CEP41: variants seen among roughly 807,000 people sequenced by gnomAD.
CEP41 encodes centrosomal protein 41, also known as centrosomal protein of 41 kDa.
CEP41 carries 32 observed loss-of-function variants against 44.3 expected under a neutral mutation model. That is an observed-to-expected ratio of 0.72 (90% CI 0.54 to 0.97). CEP41 has a LOEUF of 0.97. CEP41 is among the 50% of genes least tolerant of loss of function. The pLI, the probability that CEP41 is intolerant of heterozygous loss-of-function variation, is 0.00. For synonymous variants in CEP41, 151 were observed against 168.5 expected (o/e 0.90, Z 0.80); for missense variants, 432 against 455.2 (o/e 0.95, Z 0.46).
intron 1 of CEP41, among the ~76,000 whole-genome samples, chr7:130,440,341 G>A (rs1391498425): frequency 6.6e-6 from 1 of 152,138 alleles, no homozygotes; most frequent in Non-Finnish European, 1.5e-5. Context: ...TTATTAAAGG[G>A]CAGAGGCCTT....
intron 5 of CEP41, among the ~76,000 whole-genome samples, chr7:130,410,709 TG>T (rs1177463527): frequency 6.6e-6 from 1 of 152,182 alleles, no homozygotes; most frequent in African/African-American, 2.4e-5. Context: ...AGTAATTTTG[TG>T]GTACTGTTAT....
chr7:130,437,775 AAAAAAAAAAAAAAGAAAAAG>A lies in CEP41; in HGVS notation c.33+3139_33+3158del, dbSNP rs1211077117. ...AAGCAAGACTGTCTCAAAAAAAAAA[AAAAAAAAAAAAAAGAAAAAG>A]AAAAAAAAAGATGTTGATGATTTTC... On this transcript the variant is annotated intron_variant, in intron 1 of 10. Coordinates refer to ENST00000223208, the MANE Select transcript of CEP41 (RefSeq NM_018718.3). Among the ~76,000 whole-genome samples, 684 of 142,640 alleles carry A rather than the reference AAAAAAAAAAAAAAGAAAAAG, an allele frequency of 4.8e-3. 8 individuals carry two copies. The highest frequency in any genetic ancestry group is 0.016 in the African/African-American group (610 of 37,562). 93.6% of individuals were successfully genotyped at this position (142,640 alleles called of 152,430 possible). A position where few individuals can be genotyped will look rare whatever the true frequency, so the allele number is the denominator to read the frequency against.
At position 130,398,868 on chromosome 7, in the gene CEP41, T is replaced by C. The variant is rs1554416049; in HGVS notation, c.*23A>G. ...GTTCTGAAAAGAGGAAGAACATTTA[T>C]TTGCCTAAGTGAGACAAAGTCTTTA... On this transcript the variant is annotated 3_prime_UTR_variant, in exon 11 of 11. Transcript: ENST00000223208. The C allele has an allele frequency of 3.1e-6, 5 of 1,613,834 alleles. No homozygotes were observed. Among genetic ancestry groups the C allele is most frequent in the African/African-American group, 2.7e-5 (2 of 74,934 alleles).
intron 3 of CEP41, among the ~76,000 whole-genome samples, chr7:130,416,005 C>G (rs1290247436): frequency 6.6e-6 from 1 of 152,190 alleles, no homozygotes; most frequent in Admixed American, 6.5e-5. Flanking sequence ...GAGTCCACAT[C>G]TATTGGTTGG....
At chr7:130,400,871 G>T in intron 8 of CEP41, 50 bp from the exon 9 acceptor site, 1 of 1,204,138 alleles carries the variant, frequency 8.3e-7, no homozygotes, top group Non-Finnish European at 1.2e-6. Flanking sequence ...GATGTCCCAA[G>T]ACTACGAGAA....
rs1554414408 is a variant in CEP41 at position 130,396,091 on chromosome 7, T to C, written c.*2800A>G. 1 of 454,042 alleles carries C rather than the reference T, an allele frequency of 2.2e-6. No individual in the cohort carries two copies. Among genetic ancestry groups the C allele is most frequent in the South Asian group, 1.6e-5 (1 of 64,462 alleles). 28.1% of individuals were successfully genotyped at this position (454,042 alleles called of 1,614,324 possible). ...TCCCATTTCCTTGCTTCTTTCTCCC[T>C]TCCTTTCTTTTTTTCTTTTCTCCCT... is the stretch of plus-strand genomic sequence containing the variant. On this transcript the variant is annotated 3_prime_UTR_variant, in exon 11 of 11. Transcript: ENST00000223208.
chr7:130,408,326 T>C (rs1159245660), intron 5 of CEP41, among the ~76,000 whole-genome samples: 2 of 152,188 alleles, frequency 1.3e-5, no homozygotes, highest in South Asian at 2.1e-4. Flanking sequence ...TTCTCATCCA[T>C]TGTCAAGTTA....
At chr7:130,422,988 C>T (rs1172155145) in intron 2 of CEP41, among the ~76,000 whole-genome samples, 9 of 152,146 alleles carry the variant, frequency 5.9e-5, no homozygotes, top group African/African-American at 1.7e-4. Context: ...GCTCTGTCAC[C>T]GAGGCTGGAG....
intron 1 of CEP41, among the ~76,000 whole-genome samples, chr7:130,429,155 C>A (rs1409611891): frequency 6.6e-6 from 1 of 152,140 alleles, no homozygotes; most frequent in Non-Finnish European, 1.5e-5. Context: ...CTCTCCCCTG[C>A]AGGGATCCAG....
chr7:130,408,541 T>C (rs1797079732), intron 5 of CEP41, among the ~76,000 whole-genome samples: 2 of 152,204 alleles, frequency 1.3e-5, no homozygotes, highest in African/African-American at 4.8e-5. Flanking sequence ...ATACTATTTT[T>C]CATCTATTGA....
intron 1 of CEP41, among the ~76,000 whole-genome samples, 192 bp from the exon 2 acceptor site, chr7:130,428,210 G>C (rs1797720713): frequency 6.6e-6 from 1 of 151,866 alleles, no homozygotes; most frequent in African/African-American, 2.4e-5. Flanking sequence ...GATCACCTAA[G>C]GTCAGGAGTT....
chr7:130,436,641 CTAT>C (rs1361711325), intron 1 of CEP41, among the ~76,000 whole-genome samples: 15 of 117,832 alleles, frequency 1.3e-4, no homozygotes, highest in South Asian at 2.8e-4. Flanking sequence ...CTTCTTTGTA[CTAT>C]TTTTTTTTTT....
chr7:130,400,138 G>C lies in CEP41; in HGVS notation c.874C>G (p.Pro292Ala). The C allele has an allele frequency of 6.2e-7, 1 of 1,613,570 alleles. No homozygotes were observed. The highest frequency in any genetic ancestry group is 8.5e-7 in the Non-Finnish European group (1 of 1,179,636). Residue 292 changes from proline to alanine, a missense_variant, in exon 10 of 11, where the codon CCA becomes GCA. Physicochemically the swap from Pro to Ala is conservative, Grantham distance 27 (BLOSUM62 -1). Coordinates refer to ENST00000223208, the MANE Select transcript of CEP41 (RefSeq NM_018718.3). ...CATTTATTCTCAGCTGGTAGGGGTG[G>C]CCCTTTGGGGCTGGATCGTTTCCGG... ...SARKRSSPKG[P>A]PLPAENKWRF...
chr7:130,412,230 G>T lies in CEP41; in HGVS notation c.156C>A (p.Tyr52Ter). ...GTCTCTTGAAAAGCTCATCTTTTTT[G>T]TATCTATAATCTGAAAAATATGGTA... ...KLEEIKKNYR[Y>*]KKDELFKRLK... Residue 52 changes from tyrosine to a stop codon, truncating the protein, a stop_gained, in exon 4 of 11, where the codon TAC becomes TAA. Coordinates refer to ENST00000223208, the MANE Select transcript of CEP41 (RefSeq NM_018718.3). LOFTEE classifies it high-confidence loss of function. The T allele has an allele frequency of 1.3e-6, 2 of 1,514,134 alleles. No individual in the cohort carries two copies. Among genetic ancestry groups the T allele is most frequent in the Non-Finnish European group, 1.8e-6 (2 of 1,089,196 alleles). The allele number at this position is 1,514,134 out of a possible 1,614,324, so 93.8% of individuals were successfully genotyped here.
chr7:130,405,549 G>A (rs1796984111), intron 5 of CEP41, among the ~76,000 whole-genome samples: 4 of 152,070 alleles, frequency 2.6e-5, no homozygotes, highest in Admixed American at 2.6e-4. Context: ...GACCTTTTTG[G>A]TAAGATAGAT....
At position 130,402,706 on chromosome 7, in the gene CEP41, G is replaced by T; in HGVS notation, c.516C>A (p.Pro172=). 6.2e-7 allele frequency: 1 copy of T among 1,614,162 alleles called. No homozygotes were observed. The highest frequency in any genetic ancestry group is 1.1e-5 in the South Asian group (1 of 91,076). The change falls in exon 7 of 11, where the codon CCC becomes CCA. Residue 172 remains proline, a synonymous_variant. Coordinates refer to ENST00000223208, the MANE Select transcript of CEP41 (RefSeq NM_018718.3). ...TATCACGCACATCTAGCAGCAGGAA[G>T]GGGCAGTCAGGATAAGGTTTGTCTT... ...HTKDKPYPDC[P]FLLLDVRDRD...
intron 1 of CEP41, among the ~76,000 whole-genome samples, chr7:130,436,970 C>A (rs1237368556): frequency 6.6e-6 from 1 of 152,046 alleles, no homozygotes; most frequent in East Asian, 1.9e-4. Context: ...ACCTGGGAGG[C>A]GGAGGTTGTA....
intron 3 of CEP41, among the ~76,000 whole-genome samples, chr7:130,415,271 T>A (rs77005391): frequency 6.6e-6 from 1 of 152,154 alleles, no homozygotes; most frequent in Non-Finnish European, 1.5e-5. Context: ...CTGAGTAAAG[T>A]GATGGGTCTA....
At chr7:130,410,026 C>CTTCTTTTTTTTCTTT (rs1554419055) in intron 5 of CEP41, among the ~76,000 whole-genome samples, 1 of 131,850 alleles carries the variant, frequency 7.6e-6, no homozygotes, top group Non-Finnish European at 1.6e-5. Flanking sequence ...CTACCTCGGT[C>CTTCTTTTTTTTCTTT]TTCTTTTTTT....
Sources: gnomAD v4.1 joint callset for allele counts (sites outside exome capture counted in the v4.1 genomes callset) on GRCh38, gnomAD v4.1.1 for gene constraint, MANE v1.5 for transcripts, NCBI Gene and HGNC (gene_info 2026-07-23, HGNC 2026-07-21) for gene names.